The following NAA11 variants were observed in gnomAD, a reference collection of about 807,000 sequenced individuals.
NAA11 encodes the protein N-alpha-acetyltransferase 11, NatA catalytic subunit, also known as N-alpha-acetyltransferase 11.
A neutral mutation model predicts 16.1 loss-of-function variants in NAA11; 15 were observed. That is an observed-to-expected ratio of 0.93 (90% CI 0.62 to 1.44). NAA11 has a LOEUF of 1.44. Ranked by LOEUF, NAA11 falls within the 40% of genes most tolerant of loss-of-function variation. NAA11 has a pLI of 0.00. For missense variants in NAA11, 298 were observed against 291.3 expected, an observed-to-expected ratio of 1.02 and a Z score of -0.17; for synonymous variants, 122 against 112.4, an observed-to-expected ratio of 1.09 and a Z score of -0.54.
chr4:79,274,878 A>T (rs1347720513), intron 2 of NAA11, among the ~76,000 whole-genome samples: 3 of 152,034 alleles, frequency 2.0e-5, no homozygotes, highest in Non-Finnish European at 4.4e-5. Flanking sequence ...TCTAATCTAC[A>T]GCCAGGTATA....
chr4:79,170,778 C>T, the NAA11 span, among the ~76,000 whole-genome samples: 1 of 151,548 alleles, frequency 6.6e-6, no homozygotes, highest in African/African-American at 2.4e-5. Context: ...AATATTTTTA[C>T]ATCTGTGATC....
the NAA11 span, among the ~76,000 whole-genome samples, chr4:79,194,977 TC>T: frequency 1.3e-5 from 2 of 152,066 alleles, no homozygotes; most frequent in Non-Finnish European, 2.9e-5. Context: ...CACTCTGCTG[TC>T]CTGTGGGAGA....
the NAA11 span, chr4:79,211,860 A>G: frequency 6.6e-6 from 1 of 152,240 alleles, no homozygotes; most frequent in South Asian, 2.1e-4. Context: ...CCATCTTCTT[A>G]TCACCATTTG....
intron 2 of NAA11, chr4:79,228,048 A>G (rs1369528996): frequency 1.3e-5 from 2 of 151,940 alleles, no homozygotes; most frequent in Non-Finnish European, 2.9e-5. Context: ...GGCCTTGCAA[A>G]CCAGTAACAA....
the NAA11 span, among the ~76,000 whole-genome samples, chr4:79,168,875 T>A: frequency 6.6e-6 from 1 of 152,142 alleles, no homozygotes; most frequent in South Asian, 2.1e-4. Context: ...TTTAGTTAAA[T>A]CTCCTTAAGC....
chr4:79,168,571 C>T, the NAA11 span, among the ~76,000 whole-genome samples: 85 of 152,132 alleles, frequency 5.6e-4, 1 homozygote, highest in Middle Eastern at 3.4e-3. Flanking sequence ...TTCGAACTAG[C>T]GTGAGATGGT....
At chr4:79,306,937 CTGAT>C (rs1723600267) in intron 1 of NAA11, 1 of 152,164 alleles carries the variant, frequency 6.6e-6, no homozygotes, top group South Asian at 2.1e-4. Context: ...CAAAGCTTTT[CTGAT>C]TGTTTGAGCC....
the NAA11 span, among the ~76,000 whole-genome samples, chr4:79,218,386 T>C: frequency 6.6e-6 from 1 of 151,988 alleles, no homozygotes; most frequent in Non-Finnish European, 1.5e-5. Flanking sequence ...CAACATAGTC[T>C]ATGGTGACTA....
chr4:79,303,071 GCCTTTTATATATATATATAT>G (rs1447617667), intron 1 of NAA11, among the ~76,000 whole-genome samples: 12 of 86,596 alleles, frequency 1.4e-4, no homozygotes, highest in African/African-American at 5.3e-4. Context: ...TTCTCTTGAG[GCCTTTTATATATATATATAT>G]ATATATATAT....
chr4:79,201,758 A>G, the NAA11 span, among the ~76,000 whole-genome samples: 6 of 151,758 alleles, frequency 4.0e-5, no homozygotes, highest in African/African-American at 1.4e-4. Flanking sequence ...TTTAGGCTCA[A>G]ATTTATTTAC....
intron 2 of NAA11, among the ~76,000 whole-genome samples, chr4:79,262,586 C>T (rs1332160235): frequency 6.6e-6 from 1 of 152,148 alleles, no homozygotes; most frequent in Non-Finnish European, 1.5e-5. Flanking sequence ...CAAGTATTCT[C>T]AGTCCTGCAT....
chr4:79,322,394 T>C (rs1228455382), intron 1 of NAA11, among the ~76,000 whole-genome samples: 1 of 152,228 alleles, frequency 6.6e-6, no homozygotes, highest in Admixed American at 6.5e-5. Flanking sequence ...ATGAATTTTC[T>C]TATTTATTAT....
Position 79,325,773 on chromosome 4 carries a change from G to T in NAA11, c.105C>A (p.Gly35=). The change falls in exon 1 of 2, where the codon GGC becomes GGA. Residue 35 remains glycine, a synonymous_variant. Transcript: ENST00000286794. ...NYQMKYYLYH[G]LSWPQLSYIA... The stretch of plus-strand genomic sequence containing the variant: ...TGTAAGAAAGCTGGGGCCAGGAAAG[G>T]CCATGATATAAATAGTATTTCATCT... 1 of 1,614,234 alleles carries T rather than the reference G, an allele frequency of 6.2e-7. No homozygotes were observed. Among genetic ancestry groups the T allele is most frequent in the Non-Finnish European group, 8.5e-7 (1 of 1,180,034 alleles).
chr4:79,198,274 T>C, the NAA11 span, among the ~76,000 whole-genome samples: 1 of 151,940 alleles, frequency 6.6e-6, no homozygotes, highest in African/African-American at 2.4e-5. Context: ...CAATTTCCTG[T>C]CTCTCTTCTT....
the NAA11 span, among the ~76,000 whole-genome samples, chr4:79,161,017 C>T: frequency 3.3e-5 from 5 of 152,194 alleles, no homozygotes; most frequent in East Asian, 3.9e-4. Context: ...ATTGATTAAT[C>T]CAAGATTACA....
Position 79,278,472 on chromosome 4 carries a change from G to A in NAA11, c.*122+15533C>T, listed in dbSNP as rs114768085. On this transcript the variant is annotated intron_variant and NMD_transcript_variant, in intron 2 of 2. Coordinates refer to the NAA11 transcript ENST00000511542. Reference sequence around the variant, plus strand: ...ATTTTTCCCTAAACTGCTTATAATCGCCTTGCACTTTATTAATTCTATTAT... The same window carrying A: ...ATTTTTCCCTAAACTGCTTATAATCACCTTGCACTTTATTAATTCTATTAT... 8.6e-3 allele frequency among the ~76,000 whole-genome samples: 1,304 copies of A among 151,624 alleles called. 20 individuals are homozygous for A. The highest frequency in any genetic ancestry group is 0.031 in the African/African-American group (1,261 of 41,286).
intron 1 of NAA11, among the ~76,000 whole-genome samples, chr4:79,322,814 T>G (rs1350607675): frequency 5.9e-5 from 9 of 152,182 alleles, no homozygotes; most frequent in Admixed American, 5.9e-4. Flanking sequence ...AATCAGTCAC[T>G]GTGAAACTTT....
chr4:79,175,101 C>G, the NAA11 span, among the ~76,000 whole-genome samples: 10 of 152,224 alleles, frequency 6.6e-5, no homozygotes, highest in Admixed American at 2.6e-4. Flanking sequence ...TGAATGCAAA[C>G]TGTGTCTCTA....
chr4:79,247,405 CG>C (rs1015348503), intron 2 of NAA11, among the ~76,000 whole-genome samples: 2 of 152,246 alleles, frequency 1.3e-5, no homozygotes. Flanking sequence ...ACAATCTATT[CG>C]TCACAAAATT....
Sources: gnomAD v4.1 joint callset for allele counts (sites outside exome capture counted in the v4.1 genomes callset) on GRCh38, gnomAD v4.1.1 for gene constraint, MANE v1.5 for transcripts, NCBI Gene and HGNC (gene_info 2026-07-23, HGNC 2026-07-21) for gene names.